DIAPH2: variants seen among roughly 807,000 people sequenced by gnomAD.
The protein encoded by DIAPH2 is protein diaphanous homolog 2.
DIAPH2 carries 35 observed loss-of-function variants against 92.7 expected under a neutral mutation model. The observed-to-expected ratio is 0.38, with a 90% CI of 0.29 to 0.50. DIAPH2 has a LOEUF of 0.50. Ranked by LOEUF, DIAPH2 falls within the 20% of genes least tolerant of loss-of-function variation. The pLI, the probability that DIAPH2 is intolerant of heterozygous loss-of-function variation, is 0.94. For synonymous variants in DIAPH2, 301 were observed against 280.4 expected (o/e 1.07, Z -0.73); for missense variants, 701 against 819.5 (o/e 0.86, Z 1.77).
At chrX:97,287,908 G>T (rs147746219) in intron 23 of DIAPH2, among the ~76,000 whole-genome samples, 11 of 80,238 alleles carry the variant, frequency 1.4e-4, no homozygotes, top group Non-Finnish European at 2.2e-4. Context: ...AGCCAAGATC[G>T]CACCACTGCA....
chrX:96,870,466 T>TG (rs2065134018), intron 4 of DIAPH2, among the ~76,000 whole-genome samples: 1 of 101,932 alleles, frequency 9.8e-6, no homozygotes, highest in Admixed American at 1.1e-4. Flanking sequence ...TAAGTAGAGA[T>TG]GGGGTTTCAC....
At chrX:96,987,574 T>C (rs2066040915) in intron 17 of DIAPH2, among the ~76,000 whole-genome samples, 1 of 111,420 alleles carries the variant, frequency 9.0e-6, no homozygotes, top group South Asian at 3.8e-4. Flanking sequence ...CCTCCTCCTT[T>C]CAGGAATCTC....
chrX:96,933,587 A>G (rs1483674580), intron 10 of DIAPH2, among the ~76,000 whole-genome samples: 2 of 101,163 alleles, frequency 2.0e-5, no homozygotes, highest in African/African-American at 7.3e-5. Flanking sequence ...TATATATTTT[A>G]TATGTTTATA....
At chrX:97,456,522 A>G (rs1465849133) in intron 26 of DIAPH2, among the ~76,000 whole-genome samples, 1 of 111,944 alleles carries the variant, frequency 8.9e-6, no homozygotes, top group Middle Eastern at 4.2e-3. Context: ...TAAGATATGT[A>G]TATAACAATA....
intron 10 of DIAPH2, among the ~76,000 whole-genome samples, chrX:96,933,631 G>A (rs751454339): frequency 1.9e-5 from 2 of 105,811 alleles, no homozygotes; most frequent in South Asian, 8.5e-4. Context: ...TTGAGACAGA[G>A]TCTTGCTCTG....
intron 26 of DIAPH2, among the ~76,000 whole-genome samples, chrX:97,462,274 G>C (rs2147802818): frequency 8.9e-6 from 1 of 112,225 alleles, no homozygotes; most frequent in East Asian, 2.8e-4. Context: ...GACAAAGTTG[G>C]TGGTTTAGAA....
chrX:96,749,543 G>T (rs1005039770), intron 3 of DIAPH2, among the ~76,000 whole-genome samples: 1 of 111,614 alleles, frequency 9.0e-6, no homozygotes, highest in South Asian at 3.7e-4. Context: ...TTACTAAATT[G>T]TAGTATTAAC....
At chrX:96,869,557 C>T (rs199548647) in intron 4 of DIAPH2, among the ~76,000 whole-genome samples, 6 of 97,922 alleles carry the variant, frequency 6.1e-5, no homozygotes, top group Admixed American at 1.2e-4. Context: ...CTACTACTAC[C>T]ACTACTACTA....
chrX:97,516,679 C>T (rs1411211611), intron 26 of DIAPH2, among the ~76,000 whole-genome samples: 1 of 111,823 alleles, frequency 8.9e-6, no homozygotes, highest in Non-Finnish European at 1.9e-5. Context: ...TCTGATTATA[C>T]CTGTGGCTAT....
intron 25 of DIAPH2, among the ~76,000 whole-genome samples, chrX:97,404,068 G>A (rs2069784942): frequency 9.1e-6 from 1 of 109,729 alleles, no homozygotes; most frequent in Admixed American, 9.8e-5. Flanking sequence ...GGTCAGGCTG[G>A]TCTCGAACTC....
intron 24 of DIAPH2, among the ~76,000 whole-genome samples, chrX:97,350,191 T>C (rs1389977439): frequency 9.1e-6 from 1 of 110,282 alleles, no homozygotes; most frequent in Non-Finnish European, 1.9e-5. Context: ...GTGCCTGTAA[T>C]CCCAGCTACT....
chrX:97,304,838 A>T (rs1016209426), intron 23 of DIAPH2, among the ~76,000 whole-genome samples: 1 of 111,995 alleles, frequency 8.9e-6, no homozygotes, highest in Non-Finnish European at 1.9e-5. Flanking sequence ...GAGTTGGATT[A>T]TATATTTTAA....
At chrX:96,885,632 T>C (rs1176212079) in intron 5 of DIAPH2, among the ~76,000 whole-genome samples, 1 of 111,099 alleles carries the variant, frequency 9.0e-6, no homozygotes, top group Non-Finnish European at 1.9e-5. Context: ...TTCAAACATT[T>C]ATGTGTGATT....
intron 26 of DIAPH2, among the ~76,000 whole-genome samples, chrX:97,552,826 G>A (rs1371268046): frequency 9.0e-6 from 1 of 111,694 alleles, no homozygotes; most frequent in East Asian, 2.8e-4. Context: ...AGACTTGGTG[G>A]CTTAAGCTGG....
chrX:96,786,115 G>A (rs1462360409), intron 4 of DIAPH2, among the ~76,000 whole-genome samples: 1 of 111,888 alleles, frequency 8.9e-6, no homozygotes, highest in Non-Finnish European at 1.9e-5. Context: ...AGAAACCAAG[G>A]GAGGTAATCC....
chrX:96,751,866 GA>G (rs956556432), intron 3 of DIAPH2, among the ~76,000 whole-genome samples: 2 of 102,793 alleles, frequency 1.9e-5, no homozygotes, highest in African/African-American at 6.9e-5. Flanking sequence ...TTTTAGCCGG[GA>G]TGGTCTCGAT....
chrX:97,263,426 T>C (rs1366194959), intron 23 of DIAPH2, among the ~76,000 whole-genome samples: 1 of 111,545 alleles, frequency 9.0e-6, no homozygotes, highest in Non-Finnish European at 1.9e-5. Context: ...TGCTAGAATA[T>C]TTTTTTAAGG....
At chrX:96,892,545 A>G (rs1238623148) in intron 5 of DIAPH2, among the ~76,000 whole-genome samples, 1 of 111,940 alleles carries the variant, frequency 8.9e-6, no homozygotes, top group Non-Finnish European at 1.9e-5. Context: ...TACCATATAT[A>G]TTAAGTGACA....
At chrX:97,580,619 T>C in intron 26 of DIAPH2, among the ~76,000 whole-genome samples, 1 of 99,299 alleles carries the variant, frequency 1.0e-5, no homozygotes, top group South Asian at 5.4e-4. Flanking sequence ...AGGATATTGG[T>C]CTAAAATTCT....
Sources: allele counts gnomAD v4.1 joint callset (sites outside exome capture counted in the v4.1 genomes callset), GRCh38; gene constraint gnomAD v4.1.1; transcripts MANE v1.5; gene names NCBI Gene and HGNC (gene_info 2026-07-23, HGNC 2026-07-21).